TMEM181: variants seen among roughly 807,000 people sequenced by gnomAD.
TMEM181 encodes transmembrane protein 181.
A neutral mutation model predicts 71.9 loss-of-function variants in TMEM181; 39 were observed. The ratio of observed to expected loss-of-function variants is 0.54; its 90% CI spans 0.42 to 0.71. The LOEUF (loss-of-function observed/expected upper bound fraction) is 0.71, where lower values mean the gene tolerates loss of function less well. TMEM181 is among the 30% of genes least tolerant of loss of function. TMEM181 has a pLI of 0.00. For missense variants in TMEM181, 595 were observed against 583.0 expected (o/e 1.02, Z -0.21); for synonymous variants, 245 against 228.8 (o/e 1.07, Z -0.64).
intron 9 of TMEM181, 23 bp from the exon 10 acceptor site, chr6:158,608,632 TCTTA>T (rs755052199): frequency 5.6e-6 from 9 of 1,600,372 alleles, no homozygotes; most frequent in South Asian, 2.3e-5. Context: ...TTTCTTTATT[TCTTA>T]CTTCTTATTT....
chr6:158,628,134 T>A lies in TMEM181; in HGVS notation c.1110-274T>A, dbSNP rs909982596. The stretch of plus-strand genomic sequence containing the variant: ...GCTTCAAGGCCCCGAGTAGGGAGAG[T>A]GTGATGGGGCCTGCAGCAGGGTTCA... On this transcript the variant is annotated intron_variant, in intron 13 of 16. Transcript: ENST00000684151. 16 of 601,820 alleles carry A rather than the reference T, an allele frequency of 2.7e-5. 1 individual carries two copies. Among genetic ancestry groups the A allele is most frequent in the Non-Finnish European group, 2.8e-5 (9 of 323,310 alleles). The allele number at this position is 601,820 out of a possible 1,614,324, so 37.3% of individuals were successfully genotyped here. A position where few individuals can be genotyped will look rare whatever the true frequency, so the allele number is the denominator to read the frequency against.
chr6:158,539,388 G>T (rs1781254184), intron 1 of TMEM181, among the ~76,000 whole-genome samples: 1 of 152,184 alleles, frequency 6.6e-6, no homozygotes, highest in Admixed American at 6.6e-5. Flanking sequence ...TTTCTAAGTT[G>T]GGAAGCTGCT....
intron 2 of TMEM181, among the ~76,000 whole-genome samples, chr6:158,579,135 TG>T (rs986259532): frequency 5.3e-5 from 8 of 152,104 alleles, no homozygotes; most frequent in Non-Finnish European, 7.4e-5. Flanking sequence ...GGTGCATGCC[TG>T]TAATCCCAGC....
chr6:158,590,469 T>C (rs1784044882), intron 6 of TMEM181, among the ~76,000 whole-genome samples: 1 of 152,186 alleles, frequency 6.6e-6, no homozygotes, highest in Admixed American at 6.5e-5. Flanking sequence ...GTTTTGTTTT[T>C]GTTTTTGAGA....
In TMEM181 at chr6:158,628,510, G is replaced by C. The variant is rs1247100217; in HGVS notation, c.1192+20G>C. On this transcript the variant is annotated intron_variant, in intron 14 of 16. Coordinates refer to ENST00000684151, the MANE Select transcript of TMEM181 (RefSeq NM_001376852.1). ...AGAATTATATCCTTTTCACTGGAGG[G>C]CCCTGGCTGCAGGACGCCTGCTTAG... 6.2e-7 allele frequency: 1 copy of C among 1,610,752 alleles called. No homozygotes were observed. Among genetic ancestry groups the C allele is most frequent in the African/African-American group, 1.3e-5 (1 of 74,874 alleles).
intron 1 of TMEM181, 67 bp downstream of exon 1, chr6:158,560,299 CCT>C (rs1782082961): frequency 1.0e-6 from 1 of 985,136 alleles, no homozygotes; most frequent in African/African-American, 1.7e-5. Flanking sequence ...GTTGGGGATC[CCT>C]GGCTCCCGGC....
upstream of TMEM181, among the ~76,000 whole-genome samples, chr6:158,558,962 C>T (rs1173044878): frequency 6.6e-6 from 1 of 152,172 alleles, no homozygotes; most frequent in Non-Finnish European, 1.5e-5. Flanking sequence ...AACCCTTTCC[C>T]TCTGCTTATG....
At chr6:158,611,444 C>G in intron 10 of TMEM181, 1 of 539,404 alleles carries the variant, frequency 1.9e-6, no homozygotes, top group South Asian at 1.4e-5. Context: ...TATCCGTCTT[C>G]CTTTTCTGGA....
intron 1 of TMEM181, among the ~76,000 whole-genome samples, chr6:158,562,119 C>G (rs879584072): frequency 2.0e-5 from 3 of 152,178 alleles, no homozygotes; most frequent in Admixed American, 1.3e-4. Flanking sequence ...GGACCGTCCC[C>G]CTGCAGACCC....
intron 5 of TMEM181, among the ~76,000 whole-genome samples, chr6:158,588,883 C>T (rs1314104726): frequency 1.3e-5 from 2 of 152,226 alleles, no homozygotes; most frequent in Non-Finnish European, 2.9e-5. Flanking sequence ...TTGCTCTGGG[C>T]AGCAGCAGGA....
chr6:158,548,628 C>T (rs937266830), intron 1 of TMEM181, among the ~76,000 whole-genome samples: 6 of 152,154 alleles, frequency 3.9e-5, no homozygotes, highest in African/African-American at 1.4e-4. Flanking sequence ...GGGATGGTGT[C>T]CTCATTCTCT....
At chr6:158,625,656 A>G (rs1343234217) in intron 12 of TMEM181, 47 bp from the exon 13 acceptor site, 3 of 1,495,296 alleles carry the variant, frequency 2.0e-6, no homozygotes, top group Non-Finnish European at 2.7e-6. Context: ...ATAAAATGCA[A>G]GTGGAATTTA....
chr6:158,539,844 G>A (rs1409057531), intron 1 of TMEM181, among the ~76,000 whole-genome samples: 2 of 152,220 alleles, frequency 1.3e-5, no homozygotes, highest in South Asian at 2.1e-4. Context: ...GCCGGGCCTT[G>A]TGGTGAGTTA....
intron 11 of TMEM181, among the ~76,000 whole-genome samples, chr6:158,623,930 T>C (rs1786119560): frequency 6.6e-6 from 1 of 152,176 alleles, no homozygotes; most frequent in Admixed American, 6.5e-5. Flanking sequence ...CTGGGTAATT[T>C]CTGTATTTTT....
At chr6:158,553,171 G>T (rs1272244836) in intron 1 of TMEM181, among the ~76,000 whole-genome samples, 3 of 144,456 alleles carry the variant, frequency 2.1e-5, no homozygotes, top group African/African-American at 7.9e-5. Context: ...CTGGGCGACA[G>T]AGAGGGGTCC....
intron 1 of TMEM181, among the ~76,000 whole-genome samples, chr6:158,566,746 T>C (rs1782526760): frequency 6.6e-6 from 1 of 151,528 alleles, no homozygotes; most frequent in Non-Finnish European, 1.5e-5. Flanking sequence ...AGGGAGGTGA[T>C]GGTGAGGAGT....
At chr6:158,628,580 A>G (rs1786473990) in intron 14 of TMEM181, 90 bp downstream of exon 14, 6 of 1,164,008 alleles carry the variant, frequency 5.2e-6, no homozygotes, top group Admixed American at 3.8e-5. Flanking sequence ...TCAAGAGGAG[A>G]CAGGTCAGCT....
chr6:158,570,556 C>T (rs1782749503), intron 1 of TMEM181, among the ~76,000 whole-genome samples: 1 of 151,800 alleles, frequency 6.6e-6, no homozygotes, highest in African/African-American at 2.4e-5. Context: ...CACTCTTCTT[C>T]AATTCACAGG....
chr6:158,583,939 T>TG lies in TMEM181; in HGVS notation c.169-15_169-14insG. The TG allele has an allele frequency of 5.7e-6, 9 of 1,573,578 alleles. No homozygotes were observed. The highest frequency in any genetic ancestry group is 7.8e-6 in the Non-Finnish European group (9 of 1,156,524). ...TGAAAAGGTCACATGGATTACTTTGTTTTTTTTTCTTCAGCTAAAGCCAAT... is the reference window on the plus strand; with the variant it reads ...TGAAAAGGTCACATGGATTACTTTGTGTTTTTTTTCTTCAGCTAAAGCCAAT... On this transcript the variant is annotated splice_polypyrimidine_tract_variant and intron_variant, in intron 3 of 16. Transcript: ENST00000684151.
Sources: allele counts gnomAD v4.1 joint callset (sites outside exome capture counted in the v4.1 genomes callset), GRCh38; gene constraint gnomAD v4.1.1; transcripts MANE v1.5; gene names NCBI Gene and HGNC (gene_info 2026-07-23, HGNC 2026-07-21).